The following ERG variants were observed in gnomAD, a reference collection of about 807,000 sequenced individuals.
The protein encoded by ERG is transcriptional regulator ERG.
ERG carries 9 observed loss-of-function variants against 55.3 expected under a neutral mutation model. That is an observed-to-expected ratio of 0.16 (90% CI 0.10 to 0.28). ERG has a LOEUF of 0.28. Among genes scored for constraint, ERG ranks in the 10% least tolerant of loss-of-function variants. The pLI, the probability that ERG is intolerant of heterozygous loss-of-function variation, is 1.00. For synonymous variants in ERG, 223 were observed against 237.3 expected (o/e 0.94, Z 0.55); for missense variants, 434 against 631.6 (o/e 0.69, Z 3.35).
intron 2 of ERG, among the ~76,000 whole-genome samples, chr21:38,523,666 T>G (rs2059611058): frequency 6.6e-6 from 1 of 152,226 alleles, no homozygotes; most frequent in Non-Finnish European, 1.5e-5. Context: ...CACGGAATTC[T>G]CATCTACATC....
At chr21:38,393,408 T>TA (rs1988066619) in intron 6 of ERG, among the ~76,000 whole-genome samples, 1 of 152,236 alleles carries the variant, frequency 6.6e-6, no homozygotes, top group African/African-American at 2.4e-5. Flanking sequence ...TCTTATTACA[T>TA]AACTGTTTCA....
At chr21:38,387,697 T>C (rs1381728469) in intron 9 of ERG, among the ~76,000 whole-genome samples, 1 of 152,184 alleles carries the variant, frequency 6.6e-6, no homozygotes, top group Admixed American at 6.5e-5. Flanking sequence ...GAAAGAGAAA[T>C]ACTGTTCAAT....
chr21:38,485,151 T>C (rs1320058969), intron 1 of ERG, among the ~76,000 whole-genome samples: 2 of 152,008 alleles, frequency 1.3e-5, no homozygotes, highest in African/African-American at 2.4e-5. Context: ...AGGGACAAGA[T>C]GTAGAGATGA....
At chr21:38,576,752 A>G (rs2059996955) in intron 1 of ERG, among the ~76,000 whole-genome samples, 1 of 151,778 alleles carries the variant, frequency 6.6e-6, no homozygotes, top group African/African-American at 2.4e-5. Context: ...CCCTCTGGAG[A>G]GCAGGGGTGA....
rs2059860706 is a variant in ERG at position 38,556,755 on chromosome 21, G to A, written c.-41+18907C>T. On this transcript the variant is annotated intron_variant, in intron 2 of 8. Coordinates refer to the ERG transcript ENST00000398897. Reference sequence around the variant, plus strand: ...GGAAGGCTAGGTAGAGGCTGGATGGGAAGAAAGCAGGGTTCTCTTGCTCCT... The same window carrying A: ...GGAAGGCTAGGTAGAGGCTGGATGGAAAGAAAGCAGGGTTCTCTTGCTCCT... Among the ~76,000 whole-genome samples the A allele has an allele frequency of 3.9e-5, 6 of 152,274 alleles. No individual in the cohort carries two copies. The South Asian group carries it at 1.2e-3, about 32-fold the overall frequency.
At chr21:38,562,002 T>G (rs1316412593) in intron 2 of ERG, among the ~76,000 whole-genome samples, 2 of 152,216 alleles carry the variant, frequency 1.3e-5, no homozygotes, top group African/African-American at 4.8e-5. Flanking sequence ...TCTCTGCTAT[T>G]TACAGCCTTG....
intron 2 of ERG, among the ~76,000 whole-genome samples, chr21:38,535,013 G>T (rs1010101284): frequency 1.3e-5 from 2 of 151,968 alleles, no homozygotes; most frequent in African/African-American, 4.8e-5. Flanking sequence ...GTGTTACATA[G>T]GTAAACGTGT....
chr21:38,470,445 T>C (rs74720140), intron 1 of ERG, among the ~76,000 whole-genome samples: 1 of 152,176 alleles, frequency 6.6e-6, no homozygotes, highest in African/African-American at 2.4e-5. Flanking sequence ...GATTTTTCTC[T>C]TTTCAAAATA....
At chr21:38,526,314 T>C (rs1005410793) in intron 2 of ERG, among the ~76,000 whole-genome samples, 1 of 152,198 alleles carries the variant, frequency 6.6e-6, no homozygotes, top group South Asian at 2.1e-4. Context: ...CTCCCCTAAG[T>C]AGTCCGTTTC....
At chr21:38,424,617 T>C (rs926870245) in intron 2 of ERG, among the ~76,000 whole-genome samples, 4 of 152,190 alleles carry the variant, frequency 2.6e-5, no homozygotes, top group Non-Finnish European at 5.9e-5. Context: ...ACAGATGCTG[T>C]GGGGCGGCAC....
intron 2 of ERG, among the ~76,000 whole-genome samples, chr21:38,550,368 T>A (rs1327873274): frequency 1.3e-5 from 2 of 152,154 alleles, no homozygotes; most frequent in Non-Finnish European, 2.9e-5. Context: ...AACTGCAATG[T>A]GTGTGTGCCC....
At chr21:38,604,098 A>T (rs2060181716) in intron 1 of ERG, among the ~76,000 whole-genome samples, 1 of 151,916 alleles carries the variant, frequency 6.6e-6, no homozygotes, top group African/African-American at 2.4e-5. Flanking sequence ...AATAAAAAAA[A>T]AAAAATTAGC....
At chr21:38,486,809 G>A (rs1360347983) in intron 1 of ERG, among the ~76,000 whole-genome samples, 12 of 152,114 alleles carry the variant, frequency 7.9e-5, no homozygotes, top group Non-Finnish European at 1.8e-4. Context: ...TTGGCTTCCC[G>A]AGAAGCTGAA....
chr21:38,634,091 T>TAGGA (rs2146961006), intron 1 of ERG, among the ~76,000 whole-genome samples: 1 of 152,246 alleles, frequency 6.6e-6, no homozygotes, highest in East Asian at 1.9e-4. Flanking sequence ...ATACATATTG[T>TAGGA]AGGAAATCAG....
In ERG at chr21:38,399,554, T is replaced by C. The variant is rs147402650; in HGVS notation, c.745+1020A>G. On this transcript the variant is annotated intron_variant, in intron 6 of 9. Coordinates refer to ENST00000288319, the MANE Select transcript of ERG (RefSeq NM_182918.4). ...ATCAGCTGTGAGGCTGGTACAATGA[T>C]ACCTAGCTTATCGGGCTGATGTAAG... Among the ~76,000 whole-genome samples the C allele has an allele frequency of 5.9e-3, 896 of 152,340 alleles. 11 individuals are homozygous for C. Among genetic ancestry groups the C allele is most frequent in the African/African-American group, 0.021 (869 of 41,574 alleles).
intron 2 of ERG, among the ~76,000 whole-genome samples, chr21:38,535,300 G>T (rs1028383923): frequency 6.6e-6 from 1 of 152,156 alleles, no homozygotes; most frequent in Non-Finnish European, 1.5e-5. Context: ...AGTGTTGATT[G>T]ACATCAAGTT....
chr21:38,476,900 T>C (rs1234783133), intron 1 of ERG, among the ~76,000 whole-genome samples: 1 of 151,876 alleles, frequency 6.6e-6, no homozygotes, highest in Non-Finnish European at 1.5e-5. Flanking sequence ...TCCAATAAAA[T>C]CACCAGGTTT....
intron 6 of ERG, among the ~76,000 whole-genome samples, chr21:38,397,087 C>T (rs921765475): frequency 6.6e-6 from 1 of 152,032 alleles, no homozygotes; most frequent in African/African-American, 2.4e-5. Flanking sequence ...TAGGTACGGG[C>T]ATGCAAGGAA....
At chr21:38,577,480 G>T (rs1054993736) in intron 1 of ERG, among the ~76,000 whole-genome samples, 3 of 152,044 alleles carry the variant, frequency 2.0e-5, no homozygotes, top group Non-Finnish European at 4.4e-5. Context: ...GTCCCTCTGG[G>T]GGATGAGAGT....
Sources: allele counts gnomAD v4.1 joint callset (sites outside exome capture counted in the v4.1 genomes callset), GRCh38; gene constraint gnomAD v4.1.1; transcripts MANE v1.5; gene names NCBI Gene and HGNC (gene_info 2026-07-23, HGNC 2026-07-21).